Variants in ATP8B4 observed in about 807,000 individuals in gnomAD.
ATP8B4 encodes the protein probable phospholipid-transporting ATPase IM.
A neutral mutation model predicts 145.6 loss-of-function variants in ATP8B4; 133 were observed. The ratio of observed to expected loss-of-function variants is 0.91; its 90% CI spans 0.79 to 1.05. ATP8B4 has a LOEUF of 1.05. ATP8B4 is among the 50% of genes least tolerant of loss of function. The pLI is 0.00. For missense variants in ATP8B4, 1,458 were observed against 1,425.2 expected (o/e 1.02, Z -0.37); for synonymous variants, 507 against 492.9 (o/e 1.03, Z -0.38).
At chr15:50,074,221 T>C (rs374449906) in intron 2 of ATP8B4, 36 bp from the exon 3 acceptor site, 6 of 1,562,368 alleles carry the variant, frequency 3.8e-6, no homozygotes, top group East Asian at 2.2e-5. Context: ...AATTAAATTG[T>C]AGGCCCAGAG....
intron 20 of ATP8B4, among the ~76,000 whole-genome samples, chr15:49,908,841 C>T (rs2038917265): frequency 6.6e-6 from 1 of 152,128 alleles, no homozygotes; most frequent in Non-Finnish European, 1.5e-5. Flanking sequence ...AGCAACAGGA[C>T]TTCCTCACAT....
intron 6 of ATP8B4, among the ~76,000 whole-genome samples, chr15:50,034,816 GC>G (rs1356809006): frequency 6.6e-6 from 1 of 152,156 alleles, no homozygotes; most frequent in Non-Finnish European, 1.5e-5. Flanking sequence ...CCTCTCATTT[GC>G]CCTTCACCTG....
intron 2 of ATP8B4, among the ~76,000 whole-genome samples, chr15:50,101,246 T>C (rs1288347822): frequency 1.3e-5 from 2 of 152,044 alleles, no homozygotes; most frequent in Non-Finnish European, 2.9e-5. Context: ...GTGATGATAA[T>C]GTGGGTATGC....
chr15:50,072,854 T>G (rs149740713), intron 3 of ATP8B4, among the ~76,000 whole-genome samples: 2,134 of 145,250 alleles, frequency 0.015, 58 homozygotes, highest in African/African-American at 0.052. Context: ...ACCCCTGACC[T>G]TGTGATCTGC....
At chr15:50,092,427 C>CAGATGA (rs2055669602) in intron 2 of ATP8B4, among the ~76,000 whole-genome samples, 1 of 151,946 alleles carries the variant, frequency 6.6e-6, no homozygotes, top group South Asian at 2.1e-4. Context: ...AAAATAAAAA[C>CAGATGA]AGATGATCCA....
At chr15:49,982,695 T>C (rs182615679) in intron 10 of ATP8B4, 1 of 152,352 alleles carries the variant, frequency 6.6e-6, no homozygotes, top group Non-Finnish European at 1.5e-5. Context: ...TAAGGAATCC[T>C]TTTTATGGAT....
chr15:50,078,334 C>T (rs1324651749), intron 2 of ATP8B4, among the ~76,000 whole-genome samples: 2 of 151,814 alleles, frequency 1.3e-5, no homozygotes, highest in Non-Finnish European at 2.9e-5. Context: ...GCATGAGCCA[C>T]CATACCCAGC....
chr15:50,107,418 T>A (rs1292191975), intron 1 of ATP8B4, among the ~76,000 whole-genome samples: 4 of 152,224 alleles, frequency 2.6e-5, no homozygotes, highest in Admixed American at 2.6e-4. Context: ...GACAGGAAAT[T>A]ATTGCCCAGG....
chr15:50,017,936 A>G (rs1384886803), intron 6 of ATP8B4, among the ~76,000 whole-genome samples: 2 of 152,038 alleles, frequency 1.3e-5, no homozygotes, highest in African/African-American at 2.4e-5. Context: ...TGTAATGTTT[A>G]TCATCCCTAG....
intron 1 of ATP8B4, among the ~76,000 whole-genome samples, chr15:50,179,266 A>T (rs1008404329): frequency 6.6e-6 from 1 of 152,186 alleles, no homozygotes; most frequent in African/African-American, 2.4e-5. Context: ...AGAGCCAGAA[A>T]ATAAAGTTTA....
chr15:50,033,567 C>G (rs1380543758), intron 6 of ATP8B4, among the ~76,000 whole-genome samples: 3 of 151,980 alleles, frequency 2.0e-5, no homozygotes, highest in Non-Finnish European at 4.4e-5. Context: ...AATAATTTAA[C>G]TTTTATTTTA....
chr15:49,860,242 G>A lies in ATP8B4; in HGVS notation c.3531C>T (p.Thr1177=). ...TSWIENLCKK[T]TDTVSSFSQD... ...GGCTAAAGCTGCTCACGGTGTCTGT[G>A]GTTTTCTTACATAAATTTTCAATCC... The change falls in exon 28 of 28, where the codon ACC becomes ACT. Residue 1177 remains threonine, a synonymous_variant. Transcript: ENST00000284509. The A allele has an allele frequency of 6.2e-7, 1 of 1,614,088 alleles. No homozygotes were observed. The highest frequency in any genetic ancestry group is 1.1e-5 in the South Asian group (1 of 91,076).
intron 2 of ATP8B4, among the ~76,000 whole-genome samples, chr15:50,099,545 T>C (rs1041761100): frequency 3.9e-5 from 6 of 152,188 alleles, no homozygotes; most frequent in Non-Finnish European, 8.8e-5. Context: ...CCTCCTGAAG[T>C]GCTGAGATTG....
chr15:50,161,145 T>G (rs1272565866), intron 1 of ATP8B4, among the ~76,000 whole-genome samples: 1 of 152,142 alleles, frequency 6.6e-6, no homozygotes, highest in Non-Finnish European at 1.5e-5. Context: ...TCTCTTCCAG[T>G]TTTTGTCCTG....
At chr15:49,875,824 G>A (rs149592539) in intron 25 of ATP8B4, among the ~76,000 whole-genome samples, 248 of 152,236 alleles carry the variant, frequency 1.6e-3, no homozygotes, top group African/African-American at 5.7e-3. Context: ...TGTGAGATTC[G>A]GATATGCCAC....
intron 14 of ATP8B4, among the ~76,000 whole-genome samples, chr15:49,936,037 C>A (rs1036330909): frequency 1.3e-5 from 2 of 151,922 alleles, no homozygotes; most frequent in African/African-American, 4.8e-5. Context: ...CATTTGTGTT[C>A]TTTCCTGTAG....
In ATP8B4 at chr15:49,923,394, C is replaced by T. The variant is rs201634152; in HGVS notation, c.1743G>A (p.Thr581=). 5.0e-6 allele frequency: 8 copies of T among 1,610,394 alleles called. No individual in the cohort carries two copies. In the East Asian group the frequency reaches 8.9e-5, roughly 18 times the overall value. ...AGGCACTTACACTGAGGTGGTCTGACGTCAAAGACAAAAGGACTTCATTGG... is the reference window on the plus strand; with the variant it reads ...AGGCACTTACACTGAGGTGGTCTGATGTCAAAGACAAAAGGACTTCATTGG... ...HPSNEVLLSL[T]SDHLSEFAGE... is the part of the protein sequence containing the mutation. The change falls in exon 17 of 28, where the codon ACG becomes ACA. Residue 581 remains threonine (T), a synonymous_variant. Coordinates refer to ENST00000284509, the MANE Select transcript of ATP8B4 (RefSeq NM_024837.4).
intron 5 of ATP8B4, among the ~76,000 whole-genome samples, chr15:50,042,089 A>G (rs2051331762): frequency 6.6e-6 from 1 of 151,932 alleles, no homozygotes; most frequent in Non-Finnish European, 1.5e-5. Context: ...CACGAGGCAG[A>G]AGTTGCAGTG....
chr15:50,067,464 A>G (rs2053459974), intron 3 of ATP8B4, among the ~76,000 whole-genome samples: 1 of 152,182 alleles, frequency 6.6e-6, no homozygotes. Flanking sequence ...TGGTGGTACA[A>G]ATAAACAAGG....
Sources: gnomAD v4.1 joint callset for allele counts (sites outside exome capture counted in the v4.1 genomes callset) on GRCh38, gnomAD v4.1.1 for gene constraint, MANE v1.5 for transcripts, NCBI Gene and HGNC (gene_info 2026-07-23, HGNC 2026-07-21) for gene names.